EXTL3: variants seen among roughly 807,000 people sequenced by gnomAD.
The protein encoded by EXTL3 is exostosin like glycosyltransferase 3, also known as exostosin-like 3.
EXTL3 carries 27 observed loss-of-function variants against 69.3 expected under a neutral mutation model. That is an observed-to-expected ratio of 0.39 (90% confidence interval 0.29 to 0.54). The LOEUF (loss-of-function observed/expected upper bound fraction) is 0.54. Among genes scored for constraint, EXTL3 ranks in the 20% least tolerant of loss-of-function variants. EXTL3 has a pLI of 0.69. For synonymous variants in EXTL3, 511 were observed against 499.4 expected, an observed-to-expected ratio of 1.02 and a Z score of -0.31; for missense variants, 1,003 against 1,231.8, an observed-to-expected ratio of 0.81 and a Z score of 2.78.
At chr8:28,674,792 C>T (rs1807352792) in intron 1 of EXTL3, among the ~76,000 whole-genome samples, 1 of 152,192 alleles carries the variant, frequency 6.6e-6, no homozygotes, top group African/African-American at 2.4e-5. Context: ...AGCACTCCCA[C>T]CTTTGCTTCC....
At chr8:28,614,522 C>T (rs1261398303) in intron 2 of EXTL3, among the ~76,000 whole-genome samples, 1 of 152,046 alleles carries the variant, frequency 6.6e-6, no homozygotes, top group Non-Finnish European at 1.5e-5. Flanking sequence ...GATCCACCCG[C>T]CTCGGCCTCC....
At chr8:28,627,166 C>T (rs1037402505) in intron 1 of EXTL3, among the ~76,000 whole-genome samples, 6 of 147,208 alleles carry the variant, frequency 4.1e-5, no homozygotes, top group Non-Finnish European at 7.4e-5. Flanking sequence ...CCAGCCTGGG[C>T]GACAGAGCGA....
At chr8:28,684,897 C>G (rs530973869) in intron 1 of EXTL3, among the ~76,000 whole-genome samples, 2 of 83,208 alleles carry the variant, frequency 2.4e-5, no homozygotes, top group African/African-American at 9.1e-5. Context: ...GACTATTTAT[C>G]TGAAACATTT....
intron 1 of EXTL3, among the ~76,000 whole-genome samples, chr8:28,659,485 C>T (rs929258789): frequency 6.6e-6 from 1 of 152,190 alleles, no homozygotes; most frequent in Non-Finnish European, 1.5e-5. Context: ...TTCGATTTCT[C>T]TCTCCAAAGT....
chr8:28,717,211 G>A lies in EXTL3; in HGVS notation c.1152G>A (p.Lys384=). The stretch of plus-strand genomic sequence containing the variant: ...ATGACCGGATCATTGCCACCCTGAA[G>A]GCGGTGCAGGACAGCAAGCTGGATC... The part of the protein sequence containing the change: ...DYDDRIIATL[K]AVQDSKLDQV... Residue 384 remains lysine, a synonymous_variant, in exon 3 of 7, where the codon AAG becomes AAA. Coordinates refer to ENST00000220562, the MANE Select transcript of EXTL3 (RefSeq NM_001440.4). This position sits in a 1 kb window ranked among gnomAD's most constrained non-coding sequence, Gnocchi z 8.3. 6.2e-7 allele frequency: 1 copy of A among 1,614,238 alleles called. No homozygotes were observed. The highest frequency in any genetic ancestry group is 8.5e-7 in the Non-Finnish European group (1 of 1,180,046).
chr8:28,660,142 C>T (rs559168349), intron 1 of EXTL3, among the ~76,000 whole-genome samples: 2 of 152,266 alleles, frequency 1.3e-5, no homozygotes, highest in South Asian at 2.1e-4. Flanking sequence ...GCAGGAAGAT[C>T]GGTTGAGGCC....
rs1006220984 is a variant in EXTL3 at position 28,754,174 on chromosome 8, C to T, written c.*3308C>T. On this transcript the variant is annotated 3_prime_UTR_variant, in exon 7 of 7. Transcript: ENST00000220562. ...CCCTGACCTATAGGTCACTAAGGCA[C>T]CTGTACCTGCACCGAGCTGACGCTC... 6.6e-6 allele frequency: 1 copy of T among 152,200 alleles called. No homozygotes were observed. The highest frequency in any genetic ancestry group is 1.5e-5 in the Non-Finnish European group (1 of 68,124). 9.4% of individuals were successfully genotyped at this position (152,200 alleles called of 1,614,324 possible).
At chr8:28,735,765 G>A (rs1801638712) in intron 4 of EXTL3, among the ~76,000 whole-genome samples, 2 of 152,158 alleles carry the variant, frequency 1.3e-5, no homozygotes. Flanking sequence ...TTCAACTTAG[G>A]TAGCCAAGAA....
At chr8:28,626,039 G>A (rs1806485799) in intron 1 of EXTL3, among the ~76,000 whole-genome samples, 3 of 145,800 alleles carry the variant, frequency 2.1e-5, no homozygotes, top group African/African-American at 5.0e-5. Flanking sequence ...AGGTGAGGTG[G>A]TGCACACCTG....
intron 3 of EXTL3, among the ~76,000 whole-genome samples, chr8:28,725,021 T>G (rs1400102121): frequency 6.6e-6 from 1 of 152,200 alleles, no homozygotes; most frequent in Non-Finnish European, 1.5e-5. Flanking sequence ...AAGGGGATGA[T>G]GGAGAACTAA....
intron 1 of EXTL3, among the ~76,000 whole-genome samples, chr8:28,630,311 A>G (rs747584458): frequency 2.7e-5 from 4 of 150,536 alleles, no homozygotes; most frequent in Non-Finnish European, 5.9e-5. Flanking sequence ...TGATTGTGAG[A>G]CCTCCCCAGC....
At chr8:28,645,162 T>C (rs182524311) in intron 1 of EXTL3, among the ~76,000 whole-genome samples, 199 of 152,344 alleles carry the variant, frequency 1.3e-3, no homozygotes, top group African/African-American at 4.6e-3. Context: ...GTCATGGTAC[T>C]TGACACTAAA....
intron 4 of EXTL3, among the ~76,000 whole-genome samples, chr8:28,733,690 T>C (rs1291996371): frequency 4.6e-5 from 7 of 151,818 alleles, no homozygotes; most frequent in Admixed American, 4.6e-4. Context: ...GCCATACAGT[T>C]GTGATTTGCA....
At chr8:28,614,711 C>T (rs921957987) in intron 2 of EXTL3, among the ~76,000 whole-genome samples, 3 of 152,138 alleles carry the variant, frequency 2.0e-5, no homozygotes, top group African/African-American at 7.2e-5. Context: ...TTCACTGCAC[C>T]TACAAATTTT....
chr8:28,737,255 CT>C (rs1801672748), intron 4 of EXTL3, among the ~76,000 whole-genome samples: 1 of 152,222 alleles, frequency 6.6e-6, no homozygotes, highest in South Asian at 2.1e-4. Flanking sequence ...CCTTTCCAAA[CT>C]TAGGGCTTAT....
chr8:28,686,347 A>G (rs867817675), intron 1 of EXTL3, among the ~76,000 whole-genome samples: 9 of 151,556 alleles, frequency 5.9e-5, no homozygotes, highest in African/African-American at 1.9e-4. Flanking sequence ...AAAAAAAAAA[A>G]GAAAAGAAAA....
chr8:28,640,808 C>T (rs1381918232), intron 1 of EXTL3, among the ~76,000 whole-genome samples: 1 of 152,266 alleles, frequency 6.6e-6, no homozygotes, highest in Admixed American at 6.5e-5. Flanking sequence ...CAATATGTTA[C>T]CCAGGCTGAT....
chr8:28,630,144 G>A (rs1303629470), intron 1 of EXTL3, among the ~76,000 whole-genome samples: 1 of 152,158 alleles, frequency 6.6e-6, no homozygotes, highest in Non-Finnish European at 1.5e-5. Flanking sequence ...CCTGGTGGGA[G>A]GTAATTGATA....
intron 1 of EXTL3, among the ~76,000 whole-genome samples, chr8:28,668,485 C>T (rs1807234709): frequency 6.6e-6 from 1 of 151,822 alleles, no homozygotes; most frequent in South Asian, 2.1e-4. Context: ...CCACAGTGCC[C>T]ACCACCATGC....
Sources: allele counts gnomAD v4.1 joint callset (sites outside exome capture counted in the v4.1 genomes callset), GRCh38; gene constraint gnomAD v4.1.1; non-coding constraint Gnocchi (gnomAD v3.1); transcripts MANE v1.5; gene names NCBI Gene and HGNC (gene_info 2026-07-23, HGNC 2026-07-21).